Variants in SNRNP48 observed in about 807,000 individuals in gnomAD.
The protein encoded by SNRNP48 is small nuclear ribonucleoprotein U11/U12 subunit 48.
SNRNP48 carries 43 observed loss-of-function variants against 47.0 expected under a neutral mutation model. The observed-to-expected ratio is 0.92, with a 90% CI of 0.72 to 1.18. SNRNP48 has a LOEUF of 1.18. Ranked by LOEUF, SNRNP48 falls within the 50% of genes most tolerant of loss-of-function variation. The pLI is 0.00. For missense variants in SNRNP48, 396 were observed against 422.2 expected (o/e 0.94, Z 0.54); for synonymous variants, 138 against 144.0 (o/e 0.96, Z 0.30).
rs1437107990 is a variant in SNRNP48, at chr6:7,590,408, G to A, written c.151G>A (p.Ala51Thr). 3.0e-6 allele frequency: 4 copies of A among 1,313,166 alleles called. No homozygotes were observed. The Admixed American group carries it at 1.1e-4, about 37-fold the overall frequency. The allele number at this position is 1,313,166 out of a possible 1,614,324, so 81.3% of individuals were successfully genotyped here. ...DSLDPGEEEA[A>T]EDEVVICPYD... ...TCTGGATCCCGGGGAAGAGGAGGCG[G>A]CGGAGGTGAGGAGCGCGGCCGCGGG... The change falls in exon 1 of 9, where the codon GCG (alanine) becomes ACG (threonine). Residue 51 changes from alanine (A) to threonine (T), a missense_variant. Transcript: ENST00000342415.
chr6:7,604,613 A>G (rs533377411), intron 6 of SNRNP48, among the ~76,000 whole-genome samples: 2 of 152,298 alleles, frequency 1.3e-5, no homozygotes, highest in African/African-American at 2.4e-5. Context: ...CGTGTCCCCT[A>G]TACCTTTTTT....
chr6:7,596,816 G>C (rs1287055298), intron 4 of SNRNP48, among the ~76,000 whole-genome samples: 1 of 152,106 alleles, frequency 6.6e-6, no homozygotes, highest in Admixed American at 6.5e-5. Context: ...ATATCCCCTG[G>C]TAGTGTACCC....
intron 4 of SNRNP48, chr6:7,600,730 T>C (rs775815220): frequency 6.6e-6 from 1 of 152,196 alleles, no homozygotes; most frequent in Non-Finnish European, 1.5e-5. Context: ...TAAAATGAGT[T>C]TAATTTAATC....
At chr6:7,604,886 A>C (rs959443833) in intron 6 of SNRNP48, among the ~76,000 whole-genome samples, 4 of 152,228 alleles carry the variant, frequency 2.6e-5, no homozygotes, top group Admixed American at 1.3e-4. Context: ...TAAAAAAATC[A>C]TTTGTAAATA....
chr6:7,597,681 G>C (rs1280798165), intron 4 of SNRNP48, among the ~76,000 whole-genome samples: 1 of 151,942 alleles, frequency 6.6e-6, no homozygotes, highest in Non-Finnish European at 1.5e-5. Context: ...AAAATGTTCT[G>C]CTTTTTAATT....
rs568603816 is a variant in SNRNP48 at position 7,598,542 on chromosome 6, A to G, written c.407-2794A>G. On this transcript the variant is annotated intron_variant, in intron 4 of 8. Transcript: ENST00000342415. ...TTTTATATCCTCTGTAGAGTTATGCAATTTCTCAACAGATTATTTTTGTGG... is the reference window on the plus strand; with the variant it reads ...TTTTATATCCTCTGTAGAGTTATGCGATTTCTCAACAGATTATTTTTGTGG... Among the ~76,000 whole-genome samples, 37 of 152,272 alleles carry G rather than the reference A, an allele frequency of 2.4e-4. No homozygotes were observed. In the East Asian group the frequency reaches 7.2e-3, roughly 29 times the overall value.
chr6:7,594,363 T>C (rs975189386), intron 3 of SNRNP48, among the ~76,000 whole-genome samples: 1 of 152,212 alleles, frequency 6.6e-6, no homozygotes, highest in Non-Finnish European at 1.5e-5. Context: ...TAATAGGCAG[T>C]GAAAACCTTA....
In SNRNP48 at chr6:7,606,071, T is replaced by G; in HGVS notation, c.847T>G (p.Ser283Ala). Residue 283 changes from serine (S) to alanine (A), a missense_variant, in exon 8 of 9, where the codon TCT becomes GCT. Physicochemically the swap from Ser to Ala is moderately conservative, Grantham distance 99. Transcript: ENST00000342415. ...RRSASVDSRQ[S>A]GGSYLDAECS... ...ATCAGCTTCAGTAGATTCACGGCAG[T>G]CTGGTGGAAGCTATTTGGATGCTGA... 4 of 1,611,254 alleles carry G rather than the reference T, an allele frequency of 2.5e-6. No individual in the cohort carries two copies. The highest frequency in any genetic ancestry group is 3.4e-6 in the Non-Finnish European group (4 of 1,179,360).
chr6:7,602,007 C>T (rs896395949), intron 5 of SNRNP48, among the ~76,000 whole-genome samples: 2 of 152,066 alleles, frequency 1.3e-5, no homozygotes, highest in Non-Finnish European at 1.5e-5. Flanking sequence ...ACATGTGCCA[C>T]CACACCTGGC....
At chr6:7,595,546 C>T (rs543243389) in intron 4 of SNRNP48, among the ~76,000 whole-genome samples, 34 of 152,278 alleles carry the variant, frequency 2.2e-4, no homozygotes, top group Middle Eastern at 3.4e-3. Flanking sequence ...TTCAACTTAA[C>T]GGTATTTTCA....
chr6:7,590,921 T>A (rs7776059), intron 1 of SNRNP48, among the ~76,000 whole-genome samples: 1 of 152,066 alleles, frequency 6.6e-6, no homozygotes, highest in Non-Finnish European at 1.5e-5. Context: ...GAGGCTGCAG[T>A]GAGCCGAGAT....
At chr6:7,608,393 C>A (rs1370210179) in intron 8 of SNRNP48, among the ~76,000 whole-genome samples, 1 of 151,996 alleles carries the variant, frequency 6.6e-6, no homozygotes, top group Non-Finnish European at 1.5e-5. Context: ...CCTGACTCTA[C>A]TAAAAATACA....
At chr6:7,601,968 C>T (rs1760031725) in intron 5 of SNRNP48, among the ~76,000 whole-genome samples, 1 of 152,032 alleles carries the variant, frequency 6.6e-6, no homozygotes, top group Non-Finnish European at 1.5e-5. Context: ...ATTCTCGTGC[C>T]TCAGCCTCCT....
chr6:7,600,315 A>G (rs1441753704), intron 4 of SNRNP48: 8 of 528,524 alleles, frequency 1.5e-5, no homozygotes, highest in Non-Finnish European at 1.9e-5. Context: ...TTTTGCCTCT[A>G]CCTAGGAACT....
intron 4 of SNRNP48, among the ~76,000 whole-genome samples, chr6:7,596,738 T>G (rs945684081): frequency 3.3e-5 from 5 of 152,248 alleles, no homozygotes; most frequent in Non-Finnish European, 7.3e-5. Context: ...TCTCATTTTA[T>G]TTATTCGGAG....
At position 7,606,064 on chromosome 6, in the gene SNRNP48, A is replaced by G. The variant is rs1446421296; in HGVS notation, c.840A>G (p.Ser280=). The G allele has an allele frequency of 6.3e-5, 101 of 1,609,856 alleles. No homozygotes were observed. Among genetic ancestry groups the G allele is most frequent in the Non-Finnish European group, 8.1e-5 (95 of 1,179,042 alleles). Residue 280 remains serine, a synonymous_variant, in exon 8 of 9, where the codon TCA becomes TCG. Transcript: ENST00000342415. ...NEERRSASVD[S]RQSGGSYLDA... ...AAAGGCGATCAGCTTCAGTAGATTC[A>G]CGGCAGTCTGGTGGAAGCTATTTGG... is the stretch of plus-strand genomic sequence containing the variant.
chr6:7,593,314 T>G (rs934929407), intron 1 of SNRNP48, among the ~76,000 whole-genome samples: 3 of 152,070 alleles, frequency 2.0e-5, no homozygotes, highest in African/African-American at 7.2e-5. Context: ...TGTGTCAGAA[T>G]CACAGATGGA....
At chr6:7,602,839 A>C (rs1429963324) in intron 6 of SNRNP48, 95 bp downstream of exon 6, 3 of 1,260,286 alleles carry the variant, frequency 2.4e-6, no homozygotes, top group South Asian at 1.7e-5. Context: ...AAATTTTCTG[A>C]AAGTGTCTTC....
At chr6:7,590,927 G>T (rs1301609254) in intron 1 of SNRNP48, among the ~76,000 whole-genome samples, 1 of 152,178 alleles carries the variant, frequency 6.6e-6, no homozygotes, top group Non-Finnish European at 1.5e-5. Context: ...GCAGTGAGCC[G>T]AGATCGCTCC....
Sources: allele counts gnomAD v4.1 joint callset (sites outside exome capture counted in the v4.1 genomes callset), GRCh38; gene constraint gnomAD v4.1.1; transcripts MANE v1.5; gene names NCBI Gene and HGNC (gene_info 2026-07-23, HGNC 2026-07-21).